COX5A: variants seen among roughly 807,000 people sequenced by gnomAD.
COX5A encodes cytochrome c oxidase subunit 5A, also known as cytochrome c oxidase subunit 5A, mitochondrial.
In COX5A, 6 loss-of-function variants were observed where a neutral mutation model predicts 16.1. The observed-to-expected ratio is 0.37, with a 90% confidence interval of 0.20 to 0.73. The LOEUF (loss-of-function observed/expected upper bound fraction) is 0.73. Ranked by LOEUF, COX5A falls within the 30% of genes least tolerant of loss-of-function variation. The pLI, the probability that COX5A is intolerant of heterozygous loss-of-function variation, is 0.50. For synonymous variants in COX5A, 73 were observed against 73.8 expected, an observed-to-expected ratio of 0.99 and a Z score of 0.06; for missense variants, 159 against 194.9, an observed-to-expected ratio of 0.82 and a Z score of 1.10.
intron 3 of COX5A, among the ~76,000 whole-genome samples, chr15:74,926,498 A>AG (rs1430308878): frequency 1.7e-5 from 2 of 121,058 alleles, no homozygotes; most frequent in Non-Finnish European, 4.2e-5. Context: ...TAAAAAAGAA[A>AG]GAAAAAAAAA....
intron 2 of COX5A, among the ~76,000 whole-genome samples, chr15:74,927,416 C>T (rs1566979157): frequency 6.6e-6 from 1 of 152,020 alleles, no homozygotes; most frequent in Non-Finnish European, 1.5e-5. Flanking sequence ...ACCTCGTGAT[C>T]CACCTGCCTC....
At chr15:74,924,721 A>G (rs1438986576) in intron 3 of COX5A, among the ~76,000 whole-genome samples, 2 of 152,208 alleles carry the variant, frequency 1.3e-5, no homozygotes, top group Admixed American at 6.6e-5. Flanking sequence ...CAACACGAAT[A>G]ATTAAGTTAA....
At chr15:74,923,815 T>G (rs1185281448) in intron 3 of COX5A, 45 bp from the exon 4 acceptor site, 1 of 1,217,600 alleles carries the variant, frequency 8.2e-7, no homozygotes. Flanking sequence ...TCAAAAGCCA[T>G]GTCTATTAAT....
At chr15:74,927,277 A>G (rs183761957) in intron 2 of COX5A, among the ~76,000 whole-genome samples, 419 of 152,116 alleles carry the variant, frequency 2.8e-3, no homozygotes, top group Non-Finnish European at 4.8e-3. Context: ...CCTGGGTTCA[A>G]GTGATTCTCC....
At chr15:74,929,896 G>A (rs1274842034) in intron 1 of COX5A, among the ~76,000 whole-genome samples, 3 of 151,512 alleles carry the variant, frequency 2.0e-5, no homozygotes, top group Middle Eastern at 3.4e-3. Flanking sequence ...TGGCTAACAC[G>A]GTGAAACCCC....
chr15:74,934,967 T>C (rs2065382556), intron 1 of COX5A, among the ~76,000 whole-genome samples: 1 of 152,262 alleles, frequency 6.6e-6, no homozygotes, highest in Admixed American at 6.5e-5. Flanking sequence ...AAGCACTCCA[T>C]TTAAAAACAA....
intron 3 of COX5A, among the ~76,000 whole-genome samples, chr15:74,926,156 C>T (rs2065342566): frequency 6.6e-6 from 1 of 151,560 alleles, no homozygotes; most frequent in East Asian, 1.9e-4. Flanking sequence ...TCTCCCGCCT[C>T]AGCCTCCTGA....
At chr15:74,929,770 G>A (rs1012736735) in intron 1 of COX5A, among the ~76,000 whole-genome samples, 11 of 151,378 alleles carry the variant, frequency 7.3e-5, no homozygotes, top group South Asian at 2.1e-4. Context: ...GCAACACAGC[G>A]ACACCCCACT....
intron 4 of COX5A, 184 bp downstream of exon 4, chr15:74,923,464 C>T (rs2065330670): frequency 2.1e-6 from 1 of 483,644 alleles, no homozygotes; most frequent in East Asian, 3.3e-5. Context: ...AAAATAATGA[C>T]AACAACTAGA....
intron 4 of COX5A, among the ~76,000 whole-genome samples, chr15:74,921,133 C>A (rs372585179): frequency 6.6e-6 from 1 of 152,102 alleles, no homozygotes; most frequent in Admixed American, 6.6e-5. Flanking sequence ...CAGGGCTGGG[C>A]GCGGTGGCTC....
At chr15:74,929,277 T>C in intron 1 of COX5A, 45 bp from the exon 2 acceptor site, 1 of 1,328,142 alleles carries the variant, frequency 7.5e-7, no homozygotes, top group Non-Finnish European at 1.1e-6. Context: ...CAAATAGTAC[T>C]TGATATATTT....
chr15:74,936,954 C>T (rs1204187317), intron 1 of COX5A, among the ~76,000 whole-genome samples: 1 of 152,036 alleles, frequency 6.6e-6, no homozygotes, highest in Non-Finnish European at 1.5e-5. Context: ...TTTTTAACTT[C>T]AGCATACCCT....
chr15:74,936,582 C>A, intron 1 of COX5A, among the ~76,000 whole-genome samples: 1 of 146,892 alleles, frequency 6.8e-6, no homozygotes, highest in African/African-American at 2.5e-5. Flanking sequence ...GGTTCTACGA[C>A]AAATGATAAA....
intron 1 of COX5A, among the ~76,000 whole-genome samples, chr15:74,936,789 G>T (rs971709276): frequency 6.6e-6 from 1 of 151,770 alleles, no homozygotes; most frequent in Non-Finnish European, 1.5e-5. Context: ...ACCACACCCA[G>T]CTAAATTTTT....
chr15:74,921,407 CAAAA>C (rs56979177), intron 4 of COX5A, among the ~76,000 whole-genome samples: 25 of 79,488 alleles, frequency 3.1e-4, no homozygotes, highest in South Asian at 7.9e-4. Context: ...GACTCCGTCT[CAAAA>C]AAAAAAAAAA....
chr15:74,925,513 C>T (rs981076886), intron 3 of COX5A, among the ~76,000 whole-genome samples: 2 of 151,326 alleles, frequency 1.3e-5, no homozygotes, highest in African/African-American at 2.4e-5. Flanking sequence ...CTCAGCCTCC[C>T]GACTAGCTGG....
At chr15:74,926,075 T>C (rs1471715212) in intron 3 of COX5A, among the ~76,000 whole-genome samples, 1 of 143,658 alleles carries the variant, frequency 7.0e-6, no homozygotes, top group East Asian at 2.1e-4. Flanking sequence ...AGTCTTGCTC[T>C]GTCACCCAGG....
chr15:74,934,846 G>T (rs1025067400), intron 1 of COX5A, among the ~76,000 whole-genome samples: 5 of 151,988 alleles, frequency 3.3e-5, no homozygotes, highest in African/African-American at 1.2e-4. Flanking sequence ...GAGCTTTTAC[G>T]TAACCTGAAA....
chr15:74,937,033 A>G (rs2065394079), intron 1 of COX5A, among the ~76,000 whole-genome samples: 1 of 152,190 alleles, frequency 6.6e-6, no homozygotes, highest in South Asian at 2.1e-4. Flanking sequence ...GTTCAAAAAT[A>G]AAATATAATA....
Sources: gnomAD v4.1 joint callset for allele counts (sites outside exome capture counted in the v4.1 genomes callset) on GRCh38, gnomAD v4.1.1 for gene constraint, MANE v1.5 for transcripts, NCBI Gene and HGNC (gene_info 2026-07-23, HGNC 2026-07-21) for gene names.